The following RNF144A variants were observed in gnomAD, a reference collection of about 807,000 sequenced individuals.
The protein encoded by RNF144A is ring finger protein 144A.
In RNF144A, 11 loss-of-function variants were observed where a neutral mutation model predicts 38.7. The observed-to-expected ratio is 0.28, with a 90% CI of 0.18 to 0.47. The LOEUF is 0.47. Among genes scored for constraint, RNF144A ranks in the 20% least tolerant of loss-of-function variants. The pLI is 0.99. For synonymous variants in RNF144A, 149 were observed against 143.9 expected, an observed-to-expected ratio of 1.04 and a Z score of -0.25; for missense variants, 316 against 377.2, an observed-to-expected ratio of 0.84 and a Z score of 1.34.
chr2:7,062,381 A>G (rs1413976830), intron 6 of RNF144A, among the ~76,000 whole-genome samples: 2 of 152,064 alleles, frequency 1.3e-5, no homozygotes, highest in African/African-American at 4.8e-5. Flanking sequence ...AGAGTTAAAA[A>G]TGAAGTACAT....
chr2:7,034,685 T>C (rs1672547386), intron 8 of RNF144A, among the ~76,000 whole-genome samples: 1 of 152,212 alleles, frequency 6.6e-6, no homozygotes, highest in African/African-American at 2.4e-5. Flanking sequence ...CAAGAATTAT[T>C]TCTTGATAAT....
intron 3 of RNF144A, among the ~76,000 whole-genome samples, chr2:7,011,420 A>C (rs1670793512): frequency 6.6e-6 from 1 of 152,230 alleles, no homozygotes; most frequent in Non-Finnish European, 1.5e-5. Context: ...TACAACAGAC[A>C]AACATAAAAC....
At chr2:6,988,175 T>A (rs535667967) in intron 2 of RNF144A, among the ~76,000 whole-genome samples, 1 of 152,366 alleles carries the variant, frequency 6.6e-6, no homozygotes, top group African/African-American at 2.4e-5. Context: ...GATATGGATT[T>A]AGATTTAGAA....
At chr2:7,060,908 C>T (rs1476174700) in intron 6 of RNF144A, among the ~76,000 whole-genome samples, 1 of 152,230 alleles carries the variant, frequency 6.6e-6, no homozygotes, top group African/African-American at 2.4e-5. Context: ...CTATGTATTC[C>T]TTTTTGGCAT....
chr2:7,015,474 C>CT (rs1437965623), intron 5 of RNF144A, among the ~76,000 whole-genome samples: 8 of 152,198 alleles, frequency 5.3e-5, no homozygotes, highest in African/African-American at 1.9e-4. Flanking sequence ...TGGAGCAGGC[C>CT]TGATGCAGAC....
At chr2:7,012,807 C>T (rs771495007) in intron 3 of RNF144A, among the ~76,000 whole-genome samples, 4 of 152,174 alleles carry the variant, frequency 2.6e-5, no homozygotes, top group Admixed American at 6.5e-5. Context: ...AACTCCAAGC[C>T]TGGGGTCGTC....
At chr2:6,940,228 G>A (rs1665879424) in intron 1 of RNF144A, among the ~76,000 whole-genome samples, 2 of 152,194 alleles carry the variant, frequency 1.3e-5, no homozygotes, top group South Asian at 4.1e-4. Flanking sequence ...CTATTTTTTA[G>A]GGCTTCTTTA....
intron 2 of RNF144A, among the ~76,000 whole-genome samples, chr2:6,976,106 A>G (rs1470949999): frequency 1.3e-5 from 2 of 152,090 alleles, no homozygotes; most frequent in African/African-American, 2.4e-5. Flanking sequence ...AACTTCCTCC[A>G]CTGGGCACAT....
At chr2:7,000,202 G>A (rs1051426510) in intron 3 of RNF144A, among the ~76,000 whole-genome samples, 1 of 152,196 alleles carries the variant, frequency 6.6e-6, no homozygotes, top group Non-Finnish European at 1.5e-5. Flanking sequence ...GGGATGATGA[G>A]AGCTACCAGA....
intron 2 of RNF144A, among the ~76,000 whole-genome samples, chr2:6,969,312 G>A (rs749648527): frequency 6.6e-6 from 1 of 152,136 alleles, no homozygotes; most frequent in Non-Finnish European, 1.5e-5. Flanking sequence ...ATTGAGGTAG[G>A]CCCTAACCCA....
chr2:6,971,353 T>G (rs1036721545), intron 2 of RNF144A, among the ~76,000 whole-genome samples: 6 of 152,156 alleles, frequency 3.9e-5, no homozygotes, highest in Non-Finnish European at 7.4e-5. Context: ...GGGGTCCCAG[T>G]GATCAGGCTG....
chr2:6,935,574 G>T (rs112595436), intron 1 of RNF144A, among the ~76,000 whole-genome samples: 1 of 152,074 alleles, frequency 6.6e-6, no homozygotes, highest in African/African-American at 2.4e-5. Context: ...GCATGTAGAT[G>T]GGATGGCCTC....
intron 2 of RNF144A, among the ~76,000 whole-genome samples, chr2:6,950,045 T>C (rs1278110228): frequency 2.0e-5 from 3 of 152,138 alleles, no homozygotes; most frequent in Non-Finnish European, 4.4e-5. Flanking sequence ...TATTACTGTT[T>C]TAAGCAGTGC....
chr2:7,074,826 A>G, the RNF144A span: 1 of 153,070 alleles, frequency 6.5e-6, no homozygotes, highest in South Asian at 2.1e-4. Flanking sequence ...GAGAGAAGGG[A>G]AGAAAGAAGG....
intron 1 of RNF144A, among the ~76,000 whole-genome samples, chr2:6,940,406 A>G (rs946766136): frequency 2.6e-5 from 4 of 152,184 alleles, no homozygotes; most frequent in Admixed American, 6.5e-5. Context: ...GAGTGTTTAA[A>G]CCATTTAGCG....
intron 3 of RNF144A, among the ~76,000 whole-genome samples, chr2:7,011,545 G>A (rs1289476197): frequency 2.0e-5 from 3 of 152,134 alleles, no homozygotes; most frequent in South Asian, 2.1e-4. Flanking sequence ...ATGGTAACAC[G>A]CCATATGACT....
At position 7,020,513 on chromosome 2, in the gene RNF144A, C is replaced by T; in HGVS notation, c.342C>T (p.Ser114=). 1.2e-6 allele frequency: 2 copies of T among 1,613,810 alleles called. No homozygotes were observed. Among genetic ancestry groups the T allele is most frequent in the Non-Finnish European group, 1.7e-6 (2 of 1,180,004 alleles). ...FDPCRTWCPA[S]TCQAVCQLQD... Reference sequence around the variant, plus strand: ...CCTGTCGGACTTGGTGCCCGGCGTCCACCTGCCAAGCTGTGTGTCAGCTCC... The same window carrying T: ...CCTGTCGGACTTGGTGCCCGGCGTCTACCTGCCAAGCTGTGTGTCAGCTCC... The change falls in exon 6 of 9, where the codon TCC becomes TCT. Residue 114 remains serine (S), a synonymous_variant. Transcript: ENST00000320892.
intron 8 of RNF144A, among the ~76,000 whole-genome samples, chr2:7,034,825 C>T (rs1345027876): frequency 1.9e-4 from 29 of 152,172 alleles, no homozygotes; most frequent in Admixed American, 1.9e-3. Context: ...AGCGGAGGCA[C>T]AGAATGGGAC....
rs576022634 is a variant in RNF144A at position 6,972,020 on chromosome 2, A to G, written c.-11-24896A>G. Among the ~76,000 whole-genome samples, 5 of 152,270 alleles carry G rather than the reference A, an allele frequency of 3.3e-5. No homozygotes were observed. In the East Asian group the frequency reaches 7.7e-4, roughly 24 times the overall value. On this transcript the variant is annotated intron_variant, in intron 2 of 8. Coordinates refer to ENST00000320892, the MANE Select transcript of RNF144A (RefSeq NM_014746.6). ...GAAGGGGAGTCCCATTTCTTCTCAC[A>G]TAGGCCCCTGGGGAGGAATTACTGT...
Sources: allele counts gnomAD v4.1 joint callset (sites outside exome capture counted in the v4.1 genomes callset), GRCh38; gene constraint gnomAD v4.1.1; transcripts MANE v1.5; gene names NCBI Gene and HGNC (gene_info 2026-07-23, HGNC 2026-07-21).